The following GALNT17 variants were observed in gnomAD, a reference collection of about 807,000 sequenced individuals.
GALNT17 encodes UDP-GalNAc:polypeptide N-acetylgalactosaminyltransferase-like 3.
A neutral mutation model predicts 63.7 loss-of-function variants in GALNT17; 29 were observed. The ratio of observed to expected loss-of-function variants is 0.46; its 90% confidence interval spans 0.34 to 0.62. The LOEUF (loss-of-function observed/expected upper bound fraction) is 0.62, where lower values mean the gene tolerates loss of function less well. GALNT17 is among the 20% of genes least tolerant of loss of function. GALNT17 has a pLI of 0.01. For synonymous variants in GALNT17, 305 were observed against 318.3 expected (o/e 0.96, Z 0.45); for missense variants, 603 against 799.6 (o/e 0.75, Z 2.97).
chr7:71,381,490 C>A (rs189758622), intron 2 of GALNT17, among the ~76,000 whole-genome samples: 54 of 152,186 alleles, frequency 3.5e-4, no homozygotes, highest in African/African-American at 1.3e-3. Flanking sequence ...AAGAAGCCTG[C>A]AGAGCAGGCC....
At chr7:71,693,258 A>G (rs1414208249) in intron 9 of GALNT17, among the ~76,000 whole-genome samples, 3 of 86,582 alleles carry the variant, frequency 3.5e-5, no homozygotes, top group African/African-American at 5.4e-5. Context: ...ATACACACAC[A>G]CACATACACA....
intron 1 of GALNT17, among the ~76,000 whole-genome samples, chr7:71,261,551 G>A (rs1790385625): frequency 1.3e-5 from 2 of 152,184 alleles, no homozygotes; most frequent in South Asian, 4.1e-4. Context: ...CAAACTGGAA[G>A]AGACACTGCA....
chr7:71,492,927 A>C (rs950863928), intron 5 of GALNT17, among the ~76,000 whole-genome samples: 1 of 152,214 alleles, frequency 6.6e-6, no homozygotes, highest in African/African-American at 2.4e-5. Flanking sequence ...GCTATTTAGC[A>C]TTCTTTAATT....
At chr7:71,376,340 A>G (rs1792724096) in intron 2 of GALNT17, among the ~76,000 whole-genome samples, 1 of 150,262 alleles carries the variant, frequency 6.7e-6, no homozygotes, top group Non-Finnish European at 1.5e-5. Context: ...CTCTGGCCTG[A>G]AACTGTCTGC....
chr7:71,352,271 C>G (rs535711919), intron 2 of GALNT17, among the ~76,000 whole-genome samples: 8 of 152,276 alleles, frequency 5.3e-5, no homozygotes, highest in African/African-American at 1.9e-4. Context: ...ACTGTGTGGC[C>G]TCCCCAGCCA....
At chr7:71,652,905 G>A (rs1478295454) in intron 6 of GALNT17, among the ~76,000 whole-genome samples, 1 of 152,216 alleles carries the variant, frequency 6.6e-6, no homozygotes, top group African/African-American at 2.4e-5. Flanking sequence ...GCGAGAGAAA[G>A]TGAGGCAGTT....
chr7:71,213,421 G>T (rs1789418730), intron 1 of GALNT17, among the ~76,000 whole-genome samples: 1 of 151,620 alleles, frequency 6.6e-6, no homozygotes, highest in Admixed American at 6.6e-5. Flanking sequence ...TTGGCAATTG[G>T]TATTTATTTA....
At chr7:71,275,813 G>A (rs1486399566) in intron 1 of GALNT17, among the ~76,000 whole-genome samples, 1 of 152,148 alleles carries the variant, frequency 6.6e-6, no homozygotes. Context: ...TACTGCCAAT[G>A]TTAGAAGCTC....
chr7:71,530,537 AATTTATTTATTTATTT>A (rs59298142), intron 5 of GALNT17, among the ~76,000 whole-genome samples: 41,907 of 140,220 alleles, frequency 0.3, 6,618 homozygotes, highest in Non-Finnish European at 0.32. Flanking sequence ...GAGGTACAAG[AATTTATTTATTTATTT>A]ATTTATTTAT....
intron 1 of GALNT17, among the ~76,000 whole-genome samples, chr7:71,276,048 T>C (rs974754510): frequency 6.6e-6 from 1 of 152,216 alleles, no homozygotes; most frequent in African/African-American, 2.4e-5. Context: ...GCTATAATGT[T>C]TACTTGTCCC....
chr7:71,196,215 T>C (rs1025265068), intron 1 of GALNT17, among the ~76,000 whole-genome samples: 1 of 151,734 alleles, frequency 6.6e-6, no homozygotes, highest in Non-Finnish European at 1.5e-5. Flanking sequence ...CTTGGCTCCC[T>C]GCAAACTCCG....
intron 5 of GALNT17, among the ~76,000 whole-genome samples, chr7:71,529,984 T>C (rs1195157880): frequency 6.6e-6 from 1 of 152,212 alleles, no homozygotes; most frequent in Non-Finnish European, 1.5e-5. Flanking sequence ...AGATTAATTA[T>C]GATAATCAAA....
intron 1 of GALNT17, among the ~76,000 whole-genome samples, chr7:71,241,439 G>A (rs1056704688): frequency 2.6e-5 from 4 of 152,148 alleles, no homozygotes; most frequent in African/African-American, 4.8e-5. Flanking sequence ...CATTGTGGTC[G>A]CCTGGAGGTG....
intron 6 of GALNT17, among the ~76,000 whole-genome samples, chr7:71,634,395 A>G (rs1162513726): frequency 6.6e-6 from 1 of 152,232 alleles, no homozygotes; most frequent in East Asian, 1.9e-4. Context: ...CTTGTGCCCA[A>G]GGTGGTTGGG....
intron 1 of GALNT17, among the ~76,000 whole-genome samples, chr7:71,305,862 C>T (rs1333915871): frequency 1.3e-5 from 2 of 152,144 alleles, no homozygotes; most frequent in Non-Finnish European, 2.9e-5. Flanking sequence ...GAAAAAAAAT[C>T]CAGGTACCGT....
intron 5 of GALNT17, among the ~76,000 whole-genome samples, chr7:71,446,634 T>G (rs1307718362): frequency 1.3e-5 from 2 of 152,190 alleles, no homozygotes; most frequent in Non-Finnish European, 2.9e-5. Context: ...CTGCAACCTC[T>G]GCCTCCTGGG....
chr7:71,166,454 G>A lies in GALNT17; in HGVS notation c.238+33414G>A, dbSNP rs141209901. On this transcript the variant is annotated intron_variant, in intron 1 of 10. Transcript: ENST00000333538. ...TCATCCGCATGATCAAGATAGTGAC[G>A]CATCCATCACCCCCAAAAGACTGTG... Among the ~76,000 whole-genome samples the A allele has an allele frequency of 1.5e-3, 232 of 152,236 alleles. 1 individual carries two copies. The highest frequency in any genetic ancestry group is 5.2e-3 in the African/African-American group (218 of 41,536).
chr7:71,634,460 T>G (rs958659507), intron 6 of GALNT17, among the ~76,000 whole-genome samples: 1 of 152,054 alleles, frequency 6.6e-6, no homozygotes, highest in Admixed American at 6.6e-5. Flanking sequence ...TCAAATACAT[T>G]TAAGAAATAT....
At chr7:71,455,928 C>G (rs981614112) in intron 5 of GALNT17, among the ~76,000 whole-genome samples, 30 of 152,158 alleles carry the variant, frequency 2.0e-4, no homozygotes, top group African/African-American at 7.2e-4. Flanking sequence ...GATACATCAC[C>G]TACCCCTCAG....
Sources: gnomAD v4.1 joint callset for allele counts (sites outside exome capture counted in the v4.1 genomes callset) on GRCh38, gnomAD v4.1.1 for gene constraint, MANE v1.5 for transcripts, NCBI Gene and HGNC (gene_info 2026-07-23, HGNC 2026-07-21) for gene names.